Variants in GOLPH3L observed in about 807,000 individuals in gnomAD.
GOLPH3L encodes the protein golgi phosphoprotein 3 like, also known as Golgi phosphoprotein 3-like.
GOLPH3L carries 22 observed loss-of-function variants against 30.3 expected under a neutral mutation model. The ratio of observed to expected loss-of-function variants is 0.73; its 90% CI spans 0.52 to 1.04. GOLPH3L has a LOEUF of 1.04. Among genes scored for constraint, GOLPH3L ranks in the 50% least tolerant of loss-of-function variants. The pLI is 0.00. For synonymous variants in GOLPH3L, 120 were observed against 128.2 expected, an observed-to-expected ratio of 0.94 and a Z score of 0.43; for missense variants, 303 against 345.8, an observed-to-expected ratio of 0.88 and a Z score of 0.98.
At chr1:150,693,616 T>C (rs1167560184) in intron 2 of GOLPH3L, among the ~76,000 whole-genome samples, 2 of 151,602 alleles carry the variant, frequency 1.3e-5, no homozygotes, top group Non-Finnish European at 2.9e-5. Flanking sequence ...AGGATGATGA[T>C]GTATACTAGT....
At chr1:150,656,913 G>A (rs1650252142) in intron 4 of GOLPH3L, among the ~76,000 whole-genome samples, 1 of 152,124 alleles carries the variant, frequency 6.6e-6, no homozygotes, top group South Asian at 2.1e-4. Context: ...TAAACCAATT[G>A]AAGGTGCTGA....
chr1:150,666,933 G>A (rs1284193501), intron 2 of GOLPH3L, among the ~76,000 whole-genome samples: 6 of 152,088 alleles, frequency 3.9e-5, no homozygotes, highest in Non-Finnish European at 5.9e-5. Context: ...CTTTGATTAA[G>A]AGGTTCACGT....
At chr1:150,691,903 CTCTT>C (rs1335417662) in intron 2 of GOLPH3L, among the ~76,000 whole-genome samples, 1 of 147,886 alleles carries the variant, frequency 6.8e-6, no homozygotes, top group African/African-American at 2.6e-5. Context: ...AAATGGATGA[CTCTT>C]TTTTTTTTTT....
At chr1:150,653,747 C>T (rs1650178951) in intron 4 of GOLPH3L, among the ~76,000 whole-genome samples, 1 of 151,598 alleles carries the variant, frequency 6.6e-6, no homozygotes, top group Non-Finnish European at 1.5e-5. Flanking sequence ...TGAGCCACCA[C>T]ACCCACTACA....
At position 150,661,726 on chromosome 1, in the gene GOLPH3L, A is replaced by G. The variant is rs1249122013; in HGVS notation, c.430+88T>C. ...AACCACATCTATCTCATCCAGCACG[A>G]TGAATTTCGGTACATCTTTTACTAA... On this transcript the variant is annotated intron_variant, in intron 4 of 4. Coordinates refer to ENST00000271732, the MANE Select transcript of GOLPH3L (RefSeq NM_018178.6). 8.0e-6 allele frequency: 6 copies of G among 748,654 alleles called. No individual in the cohort carries two copies. The East Asian group carries it at 1.5e-4, about 19-fold the overall frequency. 46.4% of individuals were successfully genotyped at this position (748,654 alleles called of 1,614,324 possible).
At chr1:150,648,816 T>G (rs1557778464) in intron 4 of GOLPH3L, 68 bp from the exon 5 acceptor site, 1 of 955,550 alleles carries the variant, frequency 1.0e-6, no homozygotes, top group Non-Finnish European at 1.6e-6. Flanking sequence ...TGTAGTTGTT[T>G]GGAAACTTGA....
intron 1 of GOLPH3L, among the ~76,000 whole-genome samples, chr1:150,696,554 T>G (rs1245191598): frequency 6.6e-6 from 1 of 152,120 alleles, no homozygotes; most frequent in East Asian, 1.9e-4. Context: ...TTGATTAAAA[T>G]GAATACTCAG....
chr1:150,677,133 C>T (rs987392214), intron 2 of GOLPH3L, among the ~76,000 whole-genome samples: 3 of 150,164 alleles, frequency 2.0e-5, no homozygotes, highest in Admixed American at 6.6e-5. Context: ...TGCAGTGGCG[C>T]GATCTTGGCT....
At chr1:150,663,609 G>A (rs1650423478) in intron 3 of GOLPH3L, 23 bp downstream of exon 3, 1 of 1,592,916 alleles carries the variant, frequency 6.3e-7, no homozygotes, top group Admixed American at 1.7e-5. Flanking sequence ...ATAAGCCATG[G>A]ACGTTCACAG....
At chr1:150,677,529 A>G (rs111520413) in intron 2 of GOLPH3L, among the ~76,000 whole-genome samples, 58,426 of 151,690 alleles carry the variant, frequency 0.39, 11,561 homozygotes, top group South Asian at 0.55. Context: ...GTGAGCCACC[A>G]TGCCCAGCCT....
At position 150,685,849 on chromosome 1, in the gene GOLPH3L, T is replaced by C. The variant is rs587698389; in HGVS notation, c.183+8807A>G. Among the ~76,000 whole-genome samples the C allele has an allele frequency of 4.6e-5, 7 of 151,600 alleles. No individual in the cohort carries two copies. In the South Asian group the frequency reaches 1.5e-3, roughly 32 times the overall value. ...TTTCAGGAAGAAATACAGAGAAACA[T>C]GTGAAACTTGCTTTGTAAGTATGTC... On this transcript the variant is annotated intron_variant, in intron 2 of 4. Coordinates refer to ENST00000271732, the MANE Select transcript of GOLPH3L (RefSeq NM_018178.6).
intron 2 of GOLPH3L, among the ~76,000 whole-genome samples, chr1:150,681,330 A>G (rs1650942150): frequency 6.6e-6 from 1 of 152,186 alleles, no homozygotes; most frequent in African/African-American, 2.4e-5. Context: ...GCTTTTATCC[A>G]CTGCTGATAA....
In GOLPH3L at chr1:150,658,267, C is replaced by T. The variant is rs587761256; in HGVS notation, c.430+3547G>A. On this transcript the variant is annotated intron_variant, in intron 4 of 4. Coordinates refer to ENST00000271732, the MANE Select transcript of GOLPH3L (RefSeq NM_018178.6). ...GCTGTCACAGATGGAGGAAGAAAACCTGAGGAAATCGGGACAACCAGTCGC... is the reference window on the plus strand; with the variant it reads ...GCTGTCACAGATGGAGGAAGAAAACTTGAGGAAATCGGGACAACCAGTCGC... 1.6e-4 allele frequency among the ~76,000 whole-genome samples: 25 copies of T among 152,284 alleles called. No homozygotes were observed. In the South Asian group the frequency reaches 2.5e-3, roughly 15 times the overall value.
chr1:150,648,684 C>A lies in GOLPH3L; in HGVS notation c.495G>T (p.Lys165Asn), dbSNP rs1250943199. 6.2e-7 allele frequency: 1 copy of A among 1,612,466 alleles called. No individual in the cohort carries two copies. Among genetic ancestry groups the A allele is most frequent in the East Asian group, 2.2e-5 (1 of 44,872 alleles). ...QLRNVRERIA[K>N]NLVEKGILTT... The stretch of plus-strand genomic sequence containing the variant: ...TTAGAATACCTTTCTCTACTAGGTT[C>A]TTTGCGATGCGCTCTCGTACATTTC... The change falls in exon 5 of 5, where the codon AAG becomes AAT. Residue 165 changes from lysine (K) to asparagine (N), a missense_variant. Physicochemically the swap from Lys to Asn is moderately conservative, Grantham distance 94. Transcript: ENST00000271732.
At chr1:150,667,588 TTTCTTTC>T (rs1289644396) in intron 2 of GOLPH3L, among the ~76,000 whole-genome samples, 1 of 144,784 alleles carries the variant, frequency 6.9e-6, no homozygotes, top group Non-Finnish European at 1.5e-5. Flanking sequence ...TTTCTTTTTT[TTTCTTTC>T]TTTTTTTTTT....
chr1:150,648,612 T>G lies in GOLPH3L; in HGVS notation c.567A>C (p.Pro189=), dbSNP rs767109641. The change falls in exon 5 of 5, where the codon CCA becomes CCC. Residue 189 remains proline (P), a synonymous_variant. Coordinates refer to ENST00000271732, the MANE Select transcript of GOLPH3L (RefSeq NM_018178.6). ...GCTGTTTCTCTGTTGTATTGGTCAC[T>G]GGATGAGTAGTCATGTCAAATAGCA... is the stretch of plus-strand genomic sequence containing the variant. ...NFLLFDMTTH[P]VTNTTEKQRL... is the part of the protein sequence containing the mutation. 1.9e-6 allele frequency: 3 copies of G among 1,614,058 alleles called. No individual in the cohort carries two copies. In the South Asian group the frequency reaches 3.3e-5, roughly 18 times the overall value.
At position 150,661,869 on chromosome 1, in the gene GOLPH3L, G is replaced by T; in HGVS notation, c.375C>A (p.His125Gln). The T allele has an allele frequency of 1.2e-6, 2 of 1,601,104 alleles. No individual in the cohort carries two copies. The highest frequency in any genetic ancestry group is 1.1e-5 in the South Asian group (1 of 90,826). The stretch of plus-strand genomic sequence containing the variant: ...TTTCTGTGGGTTCAGTTGCTTTGAT[G>T]TGTTTCAGAGTTTCATCCAGTAAAA... ...GDVLLDETLK[H>Q]IKATEPTETV... Residue 125 changes from histidine (H) to glutamine (Q), a missense_variant, in exon 4 of 5, where the codon CAC becomes CAA. Coordinates refer to ENST00000271732, the MANE Select transcript of GOLPH3L (RefSeq NM_018178.6).
chr1:150,679,700 CA>C (rs950048984), intron 2 of GOLPH3L, among the ~76,000 whole-genome samples: 2 of 152,054 alleles, frequency 1.3e-5, no homozygotes, highest in Admixed American at 6.6e-5. Flanking sequence ...TTTCGGAGGC[CA>C]AAGTGAGAAT....
chr1:150,662,986 T>C (rs1650404658), intron 3 of GOLPH3L, among the ~76,000 whole-genome samples: 1 of 152,044 alleles, frequency 6.6e-6, no homozygotes, highest in African/African-American at 2.4e-5. Context: ...GGTTAATCAA[T>C]GACTGACCTG....
Sources: gnomAD v4.1 joint callset for allele counts (sites outside exome capture counted in the v4.1 genomes callset) on GRCh38, gnomAD v4.1.1 for gene constraint, MANE v1.5 for transcripts, NCBI Gene and HGNC (gene_info 2026-07-23, HGNC 2026-07-21) for gene names.